The following ARHGAP6 variants were observed in gnomAD, a reference collection of about 807,000 sequenced individuals.
The protein encoded by ARHGAP6 is rho GTPase-activating protein 6.
A neutral mutation model predicts 55.7 loss-of-function variants in ARHGAP6; 16 were observed. The observed-to-expected ratio is 0.29, with a 90% CI of 0.19 to 0.44. The LOEUF (loss-of-function observed/expected upper bound fraction) is 0.44, where lower values mean the gene tolerates loss of function less well. Ranked by LOEUF, ARHGAP6 falls within the 20% of genes least tolerant of loss-of-function variation. The pLI, the probability that ARHGAP6 is intolerant of heterozygous loss-of-function variation, is 1.00. For missense variants in ARHGAP6, 698 were observed against 808.9 expected (o/e 0.86, Z 1.66); for synonymous variants, 382 against 360.9 (o/e 1.06, Z -0.66).
At chrX:11,307,719 T>C (rs141428669) in intron 1 of ARHGAP6, among the ~76,000 whole-genome samples, 1,558 of 112,448 alleles carry the variant, frequency 0.014, 28 homozygotes, top group African/African-American at 0.047. Context: ...GTGCAGTTCT[T>C]ATCAGCAGGA....
chrX:11,589,523 A>G (rs1354065172), intron 1 of ARHGAP6, among the ~76,000 whole-genome samples: 2 of 109,281 alleles, frequency 1.8e-5, no homozygotes, highest in Non-Finnish European at 3.8e-5. Flanking sequence ...AAAGCCTGAG[A>G]AAATATACTT....
rs755951669 is a variant in ARHGAP6 at position 11,520,882 on chromosome X, C to T, written c.588+143359G>A. Among the ~76,000 whole-genome samples, 13 of 111,918 alleles carry T rather than the reference C, an allele frequency of 1.2e-4. No individual in the cohort carries two copies. In the South Asian group the frequency reaches 1.5e-3, roughly 13 times the overall value. Reference sequence around the variant, plus strand: ...ACTGGTGTGAGATGGTATCTCATTGCAGTTTTGATTTGCATTTCTCTGATG... The same window carrying T: ...ACTGGTGTGAGATGGTATCTCATTGTAGTTTTGATTTGCATTTCTCTGATG... On this transcript the variant is annotated intron_variant, in intron 1 of 12. Coordinates refer to ENST00000337414, the MANE Select transcript of ARHGAP6 (RefSeq NM_013427.3).
At chrX:11,619,860 C>T (rs779636817) in intron 1 of ARHGAP6, among the ~76,000 whole-genome samples, 2 of 111,701 alleles carry the variant, frequency 1.8e-5, no homozygotes, top group African/African-American at 6.5e-5. Context: ...GGGTAGGTTC[C>T]AAATTGGCTA....
At chrX:11,208,640 A>G (rs2046743985) in intron 2 of ARHGAP6, among the ~76,000 whole-genome samples, 1 of 111,646 alleles carries the variant, frequency 9.0e-6, no homozygotes, top group Non-Finnish European at 1.9e-5. Flanking sequence ...GTTTACCTGG[A>G]GCTTTGAGTT....
intron 10 of ARHGAP6, among the ~76,000 whole-genome samples, chrX:11,147,491 G>A (rs776650827): frequency 8.9e-6 from 1 of 112,541 alleles, no homozygotes; most frequent in Admixed American, 9.4e-5. Flanking sequence ...TTCAGAGCAT[G>A]TCTCTCCTGT....
At chrX:11,387,648 C>A (rs906468694) in intron 1 of ARHGAP6, among the ~76,000 whole-genome samples, 6 of 110,978 alleles carry the variant, frequency 5.4e-5, no homozygotes, top group African/African-American at 1.3e-4. Flanking sequence ...GGTGTGCTGC[C>A]CCCATTAACT....
At chrX:11,323,866 C>CAAAAAAAAA (rs61462099) in intron 1 of ARHGAP6, among the ~76,000 whole-genome samples, 5 of 40,266 alleles carry the variant, frequency 1.2e-4, no homozygotes, top group Non-Finnish European at 2.1e-4. Flanking sequence ...ACCCCCATTT[C>CAAAAAAAAA]AAAAAAAAAA....
At chrX:11,260,026 A>G (rs1355904621) in intron 1 of ARHGAP6, among the ~76,000 whole-genome samples, 2 of 111,509 alleles carry the variant, frequency 1.8e-5, no homozygotes, top group African/African-American at 6.5e-5. Context: ...ATGTCATCAC[A>G]AGGAGAGAGG....
chrX:11,619,582 A>G (rs1462811867), intron 1 of ARHGAP6, among the ~76,000 whole-genome samples: 4 of 112,250 alleles, frequency 3.6e-5, no homozygotes, highest in Non-Finnish European at 7.5e-5. Flanking sequence ...TTCACTTGGC[A>G]TACAGTGAAA....
At chrX:11,540,197 T>C (rs1391075554) in intron 1 of ARHGAP6, among the ~76,000 whole-genome samples, 3 of 103,601 alleles carry the variant, frequency 2.9e-5, no homozygotes, top group Admixed American at 1.1e-4. Context: ...GAGGTTGCAG[T>C]GAGCCGAGAT....
intron 1 of ARHGAP6, among the ~76,000 whole-genome samples, chrX:11,500,824 ACT>A (rs1327123319): frequency 9.1e-6 from 1 of 110,234 alleles, no homozygotes; most frequent in African/African-American, 3.3e-5. Context: ...CATAATGACA[ACT>A]CTCTCTTGTA....
At chrX:11,362,562 G>A (rs1288023256) in intron 1 of ARHGAP6, among the ~76,000 whole-genome samples, 1 of 109,470 alleles carries the variant, frequency 9.1e-6, no homozygotes, top group Non-Finnish European at 1.9e-5. Flanking sequence ...GCTAAATGAC[G>A]AGTTAATGGG....
At chrX:11,656,644 C>T (rs966045386) in intron 1 of ARHGAP6, among the ~76,000 whole-genome samples, 6 of 111,353 alleles carry the variant, frequency 5.4e-5, no homozygotes, top group Non-Finnish European at 9.4e-5. Flanking sequence ...CCCTCCTTTC[C>T]GCTCTCCCTC....
At position 11,351,047 on chromosome X, in the gene ARHGAP6, T is replaced by TACACACACAC. The variant is rs35026703; in HGVS notation, c.589-96350_589-96341dup. On this transcript the variant is annotated intron_variant, in intron 1 of 12. Transcript: ENST00000337414. Reference sequence around the variant, plus strand: ...CCCATCCTTTAGGTCATATTCAAATTACACACACACACACACACACACACA... The same window carrying TACACACACAC: ...CCCATCCTTTAGGTCATATTCAAATTACACACACACACACACACACACACACACACACACA... Among the ~76,000 whole-genome samples the TACACACACAC allele has an allele frequency of 3.5e-3, 305 of 87,959 alleles. 2 individuals carry two copies. Among genetic ancestry groups the TACACACACAC allele is most frequent in the South Asian group, 5.8e-3 (10 of 1,722 alleles). The allele number at this position is 87,959 out of a possible 115,157, so 76.4% of individuals were successfully genotyped here.
chrX:11,445,179 A>T (rs1343056415), intron 1 of ARHGAP6, among the ~76,000 whole-genome samples: 1 of 112,502 alleles, frequency 8.9e-6, no homozygotes, highest in Non-Finnish European at 1.9e-5. Flanking sequence ...CACTTTGCCT[A>T]CTTGGACAAA....
intron 1 of ARHGAP6, among the ~76,000 whole-genome samples, chrX:11,466,094 C>G (rs1312664111): frequency 9.0e-6 from 1 of 111,613 alleles, no homozygotes; most frequent in Non-Finnish European, 1.9e-5. Context: ...TAAACTTCTC[C>G]TTTGAACTTG....
At chrX:11,298,415 C>T in intron 1 of ARHGAP6, 1 of 1,124,558 alleles carries the variant, frequency 8.9e-7, no homozygotes. Flanking sequence ...TATCTGTGTA[C>T]ACAGTTACAA....
intron 1 of ARHGAP6, among the ~76,000 whole-genome samples, chrX:11,592,390 A>C (rs1372016270): frequency 8.9e-6 from 1 of 111,938 alleles, no homozygotes; most frequent in Non-Finnish European, 1.9e-5. Flanking sequence ...AAAGAGATAC[A>C]AGTACTTGGC....
chrX:11,179,696 CA>C (rs1431882344), intron 6 of ARHGAP6, among the ~76,000 whole-genome samples: 1 of 101,933 alleles, frequency 9.8e-6, no homozygotes, highest in East Asian at 3.0e-4. Flanking sequence ...TATATGTATA[CA>C]TATATACAAT....
Sources: gnomAD v4.1 joint callset for allele counts (sites outside exome capture counted in the v4.1 genomes callset) on GRCh38, gnomAD v4.1.1 for gene constraint, MANE v1.5 for transcripts, NCBI Gene and HGNC (gene_info 2026-07-23, HGNC 2026-07-21) for gene names.